TMTC3: variants seen among roughly 807,000 people sequenced by gnomAD.
The protein encoded by TMTC3 is transmembrane O-mannosyltransferase targeting cadherins 3, also known as protein O-mannosyl-transferase TMTC3.
A neutral mutation model predicts 92.2 loss-of-function variants in TMTC3; 52 were observed. The observed-to-expected ratio is 0.56, with a 90% CI of 0.45 to 0.71. The LOEUF (loss-of-function observed/expected upper bound fraction) is 0.71, where lower values mean the gene tolerates loss of function less well. Ranked by LOEUF, TMTC3 falls within the 30% of genes least tolerant of loss-of-function variation. The probability of loss-of-function intolerance (pLI) is 0.00; values close to 1 mark genes in which losing one functional copy is unlikely to be tolerated. For synonymous variants in TMTC3, 339 were observed against 363.3 expected (o/e 0.93, Z 0.76); for missense variants, 896 against 1,057.1 (o/e 0.85, Z 2.11).
chr12:88,191,561 A>G (rs1446031693), intron 12 of TMTC3, among the ~76,000 whole-genome samples: 1 of 152,164 alleles, frequency 6.6e-6, no homozygotes, highest in East Asian at 1.9e-4. Context: ...ACTTTTTAAA[A>G]TTTTCTAACA....
chr12:88,176,755 C>T (rs1237136257), intron 10 of TMTC3, among the ~76,000 whole-genome samples: 1 of 152,114 alleles, frequency 6.6e-6, no homozygotes, highest in African/African-American at 2.4e-5. Context: ...TGTACTCCAG[C>T]CTGGGTGACA....
At chr12:88,145,780 T>C (rs1296597388) in intron 1 of TMTC3, among the ~76,000 whole-genome samples, 1 of 152,180 alleles carries the variant, frequency 6.6e-6, no homozygotes, top group African/African-American at 2.4e-5. Flanking sequence ...TGTGGAGATA[T>C]TTAACATTTG....
chr12:88,155,679 T>C (rs1307561535), intron 4 of TMTC3, among the ~76,000 whole-genome samples: 2 of 152,108 alleles, frequency 1.3e-5, no homozygotes, highest in Admixed American at 1.3e-4. Context: ...AGTATTTCTG[T>C]CTTAGAAAAG....
intron 7 of TMTC3, 132 bp downstream of exon 7, chr12:88,166,714 CG>C: frequency 1.9e-6 from 2 of 1,027,786 alleles, no homozygotes; most frequent in Non-Finnish European, 1.4e-6. Flanking sequence ...AATTTATAAA[CG>C]TATTTGAGTT....
At chr12:88,161,408 T>C (rs1260503617) in intron 6 of TMTC3, among the ~76,000 whole-genome samples, 2 of 152,124 alleles carry the variant, frequency 1.3e-5, no homozygotes, top group Non-Finnish European at 2.9e-5. Flanking sequence ...GGTGTATCTT[T>C]TTCCATCTTT....
intron 10 of TMTC3, among the ~76,000 whole-genome samples, chr12:88,187,893 TC>T (rs2041396911): frequency 1.3e-5 from 2 of 152,194 alleles, no homozygotes; most frequent in Admixed American, 1.3e-4. Context: ...CTATCATTAT[TC>T]CAAACCTTTG....
intron 7 of TMTC3, among the ~76,000 whole-genome samples, chr12:88,167,165 CA>C (rs753479172): frequency 2.6e-5 from 4 of 151,952 alleles, no homozygotes; most frequent in Non-Finnish European, 4.4e-5. Context: ...GAGGCCAAGG[CA>C]GGTGGATCAT....
At chr12:88,171,745 A>G (rs1039646432) in intron 7 of TMTC3, among the ~76,000 whole-genome samples, 7 of 152,084 alleles carry the variant, frequency 4.6e-5, no homozygotes, top group Admixed American at 3.3e-4. Flanking sequence ...GCTGGGTCAC[A>G]TGGTAGTTCT....
At chr12:88,163,947 C>T (rs766323211) in intron 6 of TMTC3, among the ~76,000 whole-genome samples, 1 of 152,050 alleles carries the variant, frequency 6.6e-6, no homozygotes, top group Non-Finnish European at 1.5e-5. Context: ...CCTGTAATCC[C>T]AGCACTTTGA....
chr12:88,154,366 A>G lies in TMTC3; in HGVS notation c.487A>G (p.Lys163Glu). The part of the protein sequence containing the change: ...LAAFLSYTRS[K>E]GPDNSIIWTP... ...AGCTTTTTTGTCATATACCAGATCA[A>G]AAGGACCAGACAATTCCATAAGTAC... The change falls in exon 4 of 14, where the codon AAA becomes GAA. Residue 163 changes from lysine (K) to glutamate (E), a missense_variant. Transcript: ENST00000266712. 6.2e-7 allele frequency: 1 copy of G among 1,605,082 alleles called. No homozygotes were observed.
At position 88,195,876 on chromosome 12, in the gene TMTC3, C is replaced by T. The variant is rs950113162; in HGVS notation, c.*227C>T. ...GGTGAATATAGCAGAAATATTACAGCGGAAGTGACAAATTTACAACTTTTA... is the reference window on the plus strand; with the variant it reads ...GGTGAATATAGCAGAAATATTACAGTGGAAGTGACAAATTTACAACTTTTA... On this transcript the variant is annotated 3_prime_UTR_variant, in exon 14 of 14. Transcript: ENST00000266712. The T allele has an allele frequency of 5.4e-5, 18 of 333,704 alleles. No individual in the cohort carries two copies. Among genetic ancestry groups the T allele is most frequent in the African/African-American group, 1.9e-4 (9 of 46,704 alleles). The allele number at this position is 333,704 out of a possible 1,614,324, so 20.7% of individuals were successfully genotyped here. A position where few individuals can be genotyped will look rare whatever the true frequency, so the allele number is the denominator to read the frequency against.
At chr12:88,187,751 C>A (rs2041395187) in intron 10 of TMTC3, among the ~76,000 whole-genome samples, 1 of 152,140 alleles carries the variant, frequency 6.6e-6, no homozygotes, top group South Asian at 2.1e-4. Context: ...CTAGGAGTTG[C>A]AGGCAAAGAA....
In TMTC3 at chr12:88,142,342, C is replaced by T. The variant is rs938372333; in HGVS notation, c.-174C>T. 6.5e-6 allele frequency: 1 copy of T among 152,832 alleles called. No individual in the cohort carries two copies. Among genetic ancestry groups the T allele is most frequent in the Non-Finnish European group, 1.5e-5 (1 of 68,572 alleles). 9.5% of individuals were successfully genotyped at this position (152,832 alleles called of 1,614,324 possible). On this transcript the variant is annotated 5_prime_UTR_variant, in exon 1 of 14. Transcript: ENST00000266712. ...CGGTACCGGGGCGGCGGGGAAGGAC[C>T]GAGAGGCGGGAGGAGCAGCGGCTCA...
At chr12:88,157,635 G>A (rs781400188) in intron 4 of TMTC3, among the ~76,000 whole-genome samples, 50 of 152,140 alleles carry the variant, frequency 3.3e-4, no homozygotes, top group Middle Eastern at 3.4e-3. Flanking sequence ...CCCTTGAAAT[G>A]TAGTAGATAC....
chr12:88,167,631 G>T (rs1334834190), intron 7 of TMTC3, among the ~76,000 whole-genome samples: 3 of 151,990 alleles, frequency 2.0e-5, no homozygotes, highest in Non-Finnish European at 4.4e-5. Context: ...CGTTTCCAGA[G>T]AACTTACACA....
chr12:88,157,983 A>T (rs2041030658), intron 4 of TMTC3, among the ~76,000 whole-genome samples: 1 of 152,172 alleles, frequency 6.6e-6, no homozygotes, highest in African/African-American at 2.4e-5. Flanking sequence ...AGAAATACAA[A>T]TTACTGAGAA....
chr12:88,195,074 A>G lies in TMTC3; in HGVS notation c.2170A>G (p.Ile724Val), dbSNP rs766539256. The G allele has an allele frequency of 1.9e-5, 31 of 1,613,710 alleles. No individual in the cohort carries two copies. The highest frequency in any genetic ancestry group is 3.3e-4 in the Middle Eastern group (2 of 6,080). Residue 724 changes from isoleucine (I) to valine (V), a missense_variant, in exon 14 of 14, where the codon ATT becomes GTT. Ile to Val is a conservative substitution (Grantham distance 29, BLOSUM62 3). Transcript: ENST00000266712. ...TGCAAAGGAATTAAAGGCTTTGCCAATTTTGGAGGAGTTACTCAGATACTA... is the reference window on the plus strand; with the variant it reads ...TGCAAAGGAATTAAAGGCTTTGCCAGTTTTGGAGGAGTTACTCAGATACTA... Reference protein sequence around the residue: ...QTAKELKALPILEELLRYYPD... With the variant: ...QTAKELKALPVLEELLRYYPD...
chr12:88,174,125 A>ACTATGC (rs1358957788), intron 8 of TMTC3, among the ~76,000 whole-genome samples: 2 of 152,120 alleles, frequency 1.3e-5, no homozygotes, highest in Non-Finnish European at 2.9e-5. Context: ...AGTCACTTTT[A>ACTATGC]CTATGCCTGT....
At chr12:88,179,446 G>T (rs1040196820) in intron 10 of TMTC3, among the ~76,000 whole-genome samples, 2 of 152,104 alleles carry the variant, frequency 1.3e-5, no homozygotes, top group African/African-American at 4.8e-5. Flanking sequence ...CCATTCTTTT[G>T]TATGGGTTAT....
Sources: gnomAD v4.1 joint callset for allele counts (sites outside exome capture counted in the v4.1 genomes callset) on GRCh38, gnomAD v4.1.1 for gene constraint, MANE v1.5 for transcripts, NCBI Gene and HGNC (gene_info 2026-07-23, HGNC 2026-07-21) for gene names.